LRFN2: variants seen among roughly 807,000 people sequenced by gnomAD.
LRFN2 encodes leucine rich repeat and fibronectin type III domain containing 2.
In LRFN2, 18 loss-of-function variants were observed where a neutral mutation model predicts 37.3. That is an observed-to-expected ratio of 0.48 (90% CI 0.33 to 0.72). The LOEUF (loss-of-function observed/expected upper bound fraction) is 0.72, where lower values mean the gene tolerates loss of function less well. Among genes scored for constraint, LRFN2 ranks in the 30% least tolerant of loss-of-function variants. The probability of loss-of-function intolerance (pLI) is 0.02; values close to 1 mark genes in which losing one functional copy is unlikely to be tolerated. For missense variants in LRFN2, 1,006 were observed against 1,060.7 expected (o/e 0.95, Z 0.72); for synonymous variants, 556 against 466.6 (o/e 1.19, Z -2.47).
rs753663992 is a variant in LRFN2 at position 40,431,571 on chromosome 6, C to A, written c.1400+143G>T. On this transcript the variant is annotated intron_variant, in intron 2 of 2. Transcript: ENST00000338305. Reference sequence around the variant, plus strand: ...TTCTTTTTATCTCCTCTTACCTGCACGAATGGCACAGTTTGCCCCAGAATC... The same window carrying A: ...TTCTTTTTATCTCCTCTTACCTGCAAGAATGGCACAGTTTGCCCCAGAATC... 28 of 601,608 alleles carry A rather than the reference C, an allele frequency of 4.7e-5. No individual in the cohort carries two copies. In the African/African-American group the frequency reaches 4.8e-4, roughly 10 times the overall value. The allele number at this position is 601,608 out of a possible 1,614,324, so 37.3% of individuals were successfully genotyped here.
rs774466273 is a variant in LRFN2, at chr6:40,568,901, C to G, written c.-19+18040G>C. On this transcript the variant is annotated intron_variant, in intron 1 of 2. Coordinates refer to ENST00000338305, the MANE Select transcript of LRFN2 (RefSeq NM_020737.3). ...CATGCCCGGCTAATTTTGTATCTCC[C>G]CCATTTTCACCTCTATTCTAACGGA... Among the ~76,000 whole-genome samples the G allele has an allele frequency of 2.0e-5, 3 of 152,100 alleles. No individual in the cohort carries two copies. In the East Asian group the frequency reaches 5.8e-4, roughly 29 times the overall value.
intron 2 of LRFN2, among the ~76,000 whole-genome samples, chr6:40,402,154 A>C (rs1438304294): frequency 1.3e-5 from 2 of 152,236 alleles, no homozygotes; most frequent in Non-Finnish European, 2.9e-5. Flanking sequence ...TCCATCCTGC[A>C]TACAATTTAT....
Position 40,458,154 on chromosome 6 carries a change from G to A in LRFN2, c.-18-25023C>T, listed in dbSNP as rs1477053665. 2.0e-5 allele frequency among the ~76,000 whole-genome samples: 3 copies of A among 152,178 alleles called. No homozygotes were observed. In the South Asian group the frequency reaches 6.2e-4, roughly 32 times the overall value. On this transcript the variant is annotated intron_variant, in intron 1 of 2. Transcript: ENST00000338305. ...TAGATCTCTTAACTTCACTGAGGCT[G>A]TTTTCTTTAACATGTGGAGAAACCC...
intron 1 of LRFN2, among the ~76,000 whole-genome samples, chr6:40,550,881 C>T (rs1320794430): frequency 2.0e-5 from 3 of 152,096 alleles, no homozygotes; most frequent in East Asian, 1.9e-4. Flanking sequence ...AGCGTCTCCC[C>T]GCGGGCATGG....
chr6:40,536,298 C>T (rs75709074), intron 1 of LRFN2, among the ~76,000 whole-genome samples: 3,951 of 152,012 alleles, frequency 0.026, 65 homozygotes, highest in Admixed American at 0.046. Context: ...GACACAGCCC[C>T]GTCCTCAGGG....
At position 40,392,342 on chromosome 6, in the gene LRFN2, C is replaced by T. The variant is rs751831905; in HGVS notation, c.1971G>A (p.Met657Ile). 2 of 1,610,036 alleles carry T rather than the reference C, an allele frequency of 1.2e-6. No individual in the cohort carries two copies. The highest frequency in any genetic ancestry group is 4.5e-5 in the East Asian group (2 of 44,772). Residue 657 changes from methionine to isoleucine, a missense_variant, in exon 3 of 3, where the codon ATG becomes ATA. Around this residue, in one of 4 missense-constraint regions of LRFN2, gnomAD observed 398 missense variants for 327.6 expected, o/e 1.21. Coordinates refer to ENST00000338305, the MANE Select transcript of LRFN2 (RefSeq NM_020737.3). This position sits in a 1 kb window ranked among gnomAD's most constrained non-coding sequence, Gnocchi z 4.7. ...PRPKPSLDRL[M>I]GAFASLDLKS... ...TGAGGTCCAGGGAGGCGAAGGCCCCCATCAGGCGGTCAAGGCTGGGCTTGG... is the reference window on the plus strand; with the variant it reads ...TGAGGTCCAGGGAGGCGAAGGCCCCTATCAGGCGGTCAAGGCTGGGCTTGG...
At chr6:40,509,952 G>A (rs1470968682) in intron 1 of LRFN2, among the ~76,000 whole-genome samples, 3 of 151,554 alleles carry the variant, frequency 2.0e-5, no homozygotes, top group African/African-American at 7.3e-5. Flanking sequence ...GGTAGGAGGG[G>A]TGGGTGTATG....
At chr6:40,539,696 A>C (rs573286054) in intron 1 of LRFN2, among the ~76,000 whole-genome samples, 2 of 152,320 alleles carry the variant, frequency 1.3e-5, no homozygotes, top group Admixed American at 6.5e-5. Flanking sequence ...CCCCCATGGC[A>C]CTGGGGAGCC....
chr6:40,577,047 A>G (rs1767293193), intron 1 of LRFN2, among the ~76,000 whole-genome samples: 1 of 128,524 alleles, frequency 7.8e-6, no homozygotes, highest in Admixed American at 7.6e-5. Context: ...GGAGGTCCTC[A>G]TTCCCTCTTC....
intron 1 of LRFN2, among the ~76,000 whole-genome samples, 175 bp downstream of exon 1, chr6:40,586,766 A>G (rs1767511534): frequency 6.6e-6 from 1 of 152,208 alleles, no homozygotes; most frequent in Non-Finnish European, 1.5e-5. Context: ...ATCTCTCGCG[A>G]TAAGGATGGG....
intron 1 of LRFN2, among the ~76,000 whole-genome samples, chr6:40,585,852 TAC>T (rs59391301): frequency 0.02 from 2,912 of 147,872 alleles, 74 homozygotes; most frequent in African/African-American, 0.061. Flanking sequence ...CACACACGCG[TAC>T]ACACACACAC....
chr6:40,422,402 C>T (rs113347821), intron 2 of LRFN2, among the ~76,000 whole-genome samples: 9 of 152,128 alleles, frequency 5.9e-5, no homozygotes, highest in South Asian at 4.1e-4. Context: ...GCCTTAAAAA[C>T]GAGAATATCC....
chr6:40,580,195 G>T (rs1767372172), intron 1 of LRFN2, among the ~76,000 whole-genome samples: 1 of 152,154 alleles, frequency 6.6e-6, no homozygotes, highest in African/African-American at 2.4e-5. Flanking sequence ...ACCCTATTTT[G>T]GTGAAAACAA....
chr6:40,548,282 A>C (rs1037928673), intron 1 of LRFN2, among the ~76,000 whole-genome samples: 1 of 152,128 alleles, frequency 6.6e-6, no homozygotes, highest in Non-Finnish European at 1.5e-5. Flanking sequence ...TCTACTAAAA[A>C]CACAAAAAAT....
intron 1 of LRFN2, among the ~76,000 whole-genome samples, chr6:40,519,124 G>A (rs1765972486): frequency 6.6e-6 from 1 of 152,192 alleles, no homozygotes; most frequent in Non-Finnish European, 1.5e-5. Flanking sequence ...ACTGAACTCA[G>A]TGTTCACCAT....
chr6:40,521,333 A>C (rs1307989663), intron 1 of LRFN2, among the ~76,000 whole-genome samples: 5 of 152,140 alleles, frequency 3.3e-5, no homozygotes, highest in African/African-American at 1.2e-4. Flanking sequence ...CCCAGACAGG[A>C]TCTCAGAGTC....
At chr6:40,420,754 A>G (rs1002444294) in intron 2 of LRFN2, among the ~76,000 whole-genome samples, 14 of 152,222 alleles carry the variant, frequency 9.2e-5, no homozygotes, top group African/African-American at 3.4e-4. Flanking sequence ...AGTGGGTGGG[A>G]TTCTTTAAAG....
At chr6:40,580,525 C>T (rs1246321010) in intron 1 of LRFN2, among the ~76,000 whole-genome samples, 3 of 152,264 alleles carry the variant, frequency 2.0e-5, no homozygotes, top group East Asian at 3.9e-4. Context: ...ATCTCTGGAC[C>T]GGATCCAGAA....
Position 40,558,652 on chromosome 6 carries a change from G to A in LRFN2, c.-19+28289C>T, listed in dbSNP as rs545156729. 5.3e-5 allele frequency among the ~76,000 whole-genome samples: 8 copies of A among 152,280 alleles called. No individual in the cohort carries two copies. In the South Asian group the frequency reaches 8.3e-4, roughly 16 times the overall value. On this transcript the variant is annotated intron_variant, in intron 1 of 2. Coordinates refer to ENST00000338305, the MANE Select transcript of LRFN2 (RefSeq NM_020737.3). The stretch of plus-strand genomic sequence containing the variant: ...GGGGGAAGGCGAGGGCTAGACTGAC[G>A]TTAGAAACATGAAATTACTGTCTTT...
Sources: allele counts gnomAD v4.1 joint callset (sites outside exome capture counted in the v4.1 genomes callset), GRCh38; gene constraint gnomAD v4.1.1; regional missense constraint gnomAD v4.1.1; non-coding constraint Gnocchi (gnomAD v3.1); transcripts MANE v1.5; gene names NCBI Gene and HGNC (gene_info 2026-07-23, HGNC 2026-07-21).